SPATA6L: variants seen among roughly 807,000 people sequenced by gnomAD.
SPATA6L encodes spermatogenesis associated 6 like.
Under a neutral mutation model 49.2 loss-of-function variants are expected in SPATA6L, and 68 were observed. The ratio of observed to expected loss-of-function variants is 1.38; its 90% CI spans 1.14 to 1.69. SPATA6L has a LOEUF of 1.69. Ranked by LOEUF, SPATA6L falls within the 40% of genes most tolerant of loss-of-function variation. SPATA6L has a pLI of 0.00. For missense variants in SPATA6L, 668 were observed against 464.3 expected (o/e 1.44, Z -4.03); for synonymous variants, 198 against 165.7 (o/e 1.19, Z -1.50).
chr9:4,602,205 T>G (rs1293463571), intron 11 of SPATA6L, among the ~76,000 whole-genome samples: 4 of 152,160 alleles, frequency 2.6e-5, no homozygotes, highest in Non-Finnish European at 5.9e-5. Context: ...ATCAGCTGGT[T>G]CAGGGCTCTA....
chr9:4,625,561 T>G lies in SPATA6L; in HGVS notation c.435A>C (p.Glu145Asp), dbSNP rs1384100691. 1 of 1,520,504 alleles carries G rather than the reference T, an allele frequency of 6.6e-7. No individual in the cohort carries two copies. Among genetic ancestry groups the G allele is most frequent in the Admixed American group, 2.3e-5 (1 of 43,670 alleles). 94.2% of individuals were successfully genotyped at this position (1,520,504 alleles called of 1,614,324 possible). A position where few individuals can be genotyped will look rare whatever the true frequency, so the allele number is the denominator to read the frequency against. The change falls in exon 6 of 12, where the codon GAA becomes GAC. Residue 145 changes from glutamate (E) to aspartate (D), a missense_variant. By Grantham distance (45) the Glu-to-Asp change is conservative (BLOSUM62 2). Transcript: ENST00000682582. ...ATAAAGGCCTCCGTGACTCATGTCT[T>G]TCTTCCTGAAATAAACAAAAAAAGA... ...VFLHRNRFLE[E>D]RHESRRPLST...
At chr9:4,601,160 T>C (rs1823149381) in intron 11 of SPATA6L, among the ~76,000 whole-genome samples, 1 of 152,194 alleles carries the variant, frequency 6.6e-6, no homozygotes, top group African/African-American at 2.4e-5. Flanking sequence ...AACTATATTC[T>C]ACTGAACAAA....
chr9:4,640,301 G>A (rs905317577), intron 3 of SPATA6L, among the ~76,000 whole-genome samples: 7 of 152,138 alleles, frequency 4.6e-5, no homozygotes, highest in Admixed American at 4.6e-4. Flanking sequence ...TGGCAGCAAA[G>A]ATCACTAGAC....
intron 4 of SPATA6L, among the ~76,000 whole-genome samples, chr9:4,631,360 A>G (rs931281773): frequency 2.0e-5 from 3 of 152,146 alleles, no homozygotes; most frequent in African/African-American, 7.2e-5. Context: ...TTAACCTAAC[A>G]TGATAATAGA....
At chr9:4,613,902 G>A (rs1382853608) in intron 9 of SPATA6L, among the ~76,000 whole-genome samples, 2 of 152,102 alleles carry the variant, frequency 1.3e-5, no homozygotes, top group Admixed American at 6.6e-5. Context: ...GAATGTTTAG[G>A]AGGAAGGAAT....
At chr9:4,655,515 A>G (rs115558992) in intron 3 of SPATA6L, among the ~76,000 whole-genome samples, 3,369 of 152,022 alleles carry the variant, frequency 0.022, 111 homozygotes, top group African/African-American at 0.076. Flanking sequence ...CATACTATCC[A>G]TCAAAGCCCA....
At chr9:4,593,520 T>C (rs766604790), downstream of SPATA6L, among the ~76,000 whole-genome samples, 45 of 152,100 alleles carry the variant, frequency 3.0e-4, no homozygotes, top group Admixed American at 3.3e-4. Flanking sequence ...TATTTCTCTT[T>C]TCCTTTTCTT....
At chr9:4,627,535 C>G (rs1413993450) in intron 5 of SPATA6L, 1 of 347,844 alleles carries the variant, frequency 2.9e-6, no homozygotes, top group African/African-American at 2.2e-5. Flanking sequence ...ACAGGTTTTA[C>G]TCTACCCTGT....
At chr9:4,615,877 C>G (rs1031369389) in intron 9 of SPATA6L, among the ~76,000 whole-genome samples, 1 of 152,146 alleles carries the variant, frequency 6.6e-6, no homozygotes, top group African/African-American at 2.4e-5. Flanking sequence ...GGCACAGAGA[C>G]AAAAACCACG....
At chr9:4,654,996 T>G (rs1837788650) in intron 3 of SPATA6L, among the ~76,000 whole-genome samples, 1 of 152,168 alleles carries the variant, frequency 6.6e-6, no homozygotes, top group Non-Finnish European at 1.5e-5. Flanking sequence ...CACTCTCTTC[T>G]CTTCCCAGCA....
chr9:4,626,174 T>C (rs1409829832), intron 5 of SPATA6L: 3 of 215,522 alleles, frequency 1.4e-5, no homozygotes, highest in Admixed American at 1.0e-4. Flanking sequence ...TTGCATTCTA[T>C]TCCTGTTAGC....
chr9:4,602,806 GC>G, intron 11 of SPATA6L, among the ~76,000 whole-genome samples: 1 of 152,300 alleles, frequency 6.6e-6, no homozygotes, highest in South Asian at 2.1e-4. Flanking sequence ...CCATTCACTA[GC>G]CATGTCACCT....
chr9:4,625,168 C>T (rs1369367682), intron 6 of SPATA6L, 159 bp downstream of exon 6: 1 of 1,315,702 alleles, frequency 7.6e-7, no homozygotes, highest in South Asian at 1.8e-5. Context: ...TGACAACGAT[C>T]TAGGAAATGA....
intron 2 of SPATA6L, among the ~76,000 whole-genome samples, chr9:4,657,953 C>T (rs1039382265): frequency 6.6e-6 from 1 of 152,120 alleles, no homozygotes; most frequent in African/African-American, 2.4e-5. Flanking sequence ...ACTTCCCCCA[C>T]CCCCAATTTT....
chr9:4,592,414 T>C (rs1413860305), intron 13 of SPATA6L, among the ~76,000 whole-genome samples: 2 of 152,182 alleles, frequency 1.3e-5, no homozygotes, highest in Non-Finnish European at 2.9e-5. Flanking sequence ...TCTTACCACT[T>C]AAATATGAAC....
At chr9:4,592,058 T>C (rs1345657942) in intron 13 of SPATA6L, among the ~76,000 whole-genome samples, 1 of 152,198 alleles carries the variant, frequency 6.6e-6, no homozygotes, top group Non-Finnish European at 1.5e-5. Flanking sequence ...CTCACAGCTA[T>C]AATCCCAGCA....
downstream of SPATA6L, among the ~76,000 whole-genome samples, chr9:4,597,545 C>G (rs184509705): frequency 3.0e-3 from 454 of 152,214 alleles, 1 homozygote; most frequent in Admixed American, 5.7e-3. Context: ...TAGACATGAC[C>G]CTGTTTTGAC....
At chr9:4,604,702 T>C (rs301452) in intron 10 of SPATA6L, among the ~76,000 whole-genome samples, 152,333 of 152,338 alleles carry the variant, frequency 1, 76,164 homozygotes, top group Middle Eastern at 1. Flanking sequence ...CTAGCATATG[T>C]CAGTATATAA....
chr9:4,612,511 A>C (rs1231220064), intron 9 of SPATA6L, among the ~76,000 whole-genome samples: 4 of 152,172 alleles, frequency 2.6e-5, no homozygotes, highest in Non-Finnish European at 5.9e-5. Flanking sequence ...TCAATTGTTG[A>C]GTTCTCAGCA....
Sources: gnomAD v4.1 joint callset for allele counts (sites outside exome capture counted in the v4.1 genomes callset) on GRCh38, gnomAD v4.1.1 for gene constraint, MANE v1.5 for transcripts, NCBI Gene and HGNC (gene_info 2026-07-23, HGNC 2026-07-21) for gene names.